SGCZ: variants seen among roughly 807,000 people sequenced by gnomAD.
SGCZ encodes zeta-sarcoglycan.
A neutral mutation model predicts 41.3 loss-of-function variants in SGCZ; 40 were observed. The ratio of observed to expected loss-of-function variants is 0.97; its 90% CI spans 0.75 to 1.26. The LOEUF (loss-of-function observed/expected upper bound fraction) is 1.26. Among genes scored for constraint, SGCZ ranks in the 50% most tolerant of loss-of-function variants. The pLI, the probability that SGCZ is intolerant of heterozygous loss-of-function variation, is 0.00. For synonymous variants in SGCZ, 206 were observed against 137.5 expected, an observed-to-expected ratio of 1.50 and a Z score of -3.49; for missense variants, 552 against 369.8, an observed-to-expected ratio of 1.49 and a Z score of -4.04.
chr8:14,200,017 C>T (rs28865908), intron 4 of SGCZ, among the ~76,000 whole-genome samples: 1,617 of 152,200 alleles, frequency 0.011, 25 homozygotes, highest in African/African-American at 0.036. Context: ...GGGTTGACGA[C>T]GTAAACAGAA....
chr8:14,178,686 GC>G (rs1375941268), intron 4 of SGCZ, among the ~76,000 whole-genome samples: 1 of 152,194 alleles, frequency 6.6e-6, no homozygotes, highest in East Asian at 1.9e-4. Context: ...ATATTCACAG[GC>G]TACACAAATG....
At position 14,541,975 on chromosome 8, in the gene SGCZ, G is replaced by T. The variant is rs547726170; in HGVS notation, c.234+12757C>A. Among the ~76,000 whole-genome samples the T allele has an allele frequency of 3.9e-5, 6 of 152,074 alleles. No homozygotes were observed. In the South Asian group the frequency reaches 8.3e-4, roughly 21 times the overall value. The stretch of plus-strand genomic sequence containing the variant: ...TATCCTTTGCTCACTTTTTGATGAG[G>T]CTTTTTGTTTTTTTCTTGTAAATTT... On this transcript the variant is annotated intron_variant, in intron 2 of 7. Transcript: ENST00000382080.
At chr8:15,076,162 G>A (rs894719162) in intron 1 of SGCZ, among the ~76,000 whole-genome samples, 3 of 152,092 alleles carry the variant, frequency 2.0e-5, no homozygotes, top group African/African-American at 7.2e-5. Flanking sequence ...GATATTGTGA[G>A]CCATTTTTTA....
intron 2 of SGCZ, among the ~76,000 whole-genome samples, chr8:14,521,510 T>A (rs1802788274): frequency 2.6e-5 from 4 of 152,144 alleles, no homozygotes; most frequent in Admixed American, 2.6e-4. Flanking sequence ...TGCTGATTCA[T>A]ATTCCACAGT....
chr8:14,839,347 C>T (rs1439054344), intron 1 of SGCZ, among the ~76,000 whole-genome samples: 5 of 151,942 alleles, frequency 3.3e-5, no homozygotes, highest in Admixed American at 3.3e-4. Context: ...TGCAGAGGAC[C>T]CATTGTGTGG....
Position 15,034,151 on chromosome 8 carries a change from G to T in SGCZ, c.39+203434C>A, listed in dbSNP as rs578034609. ...GTTCTACCCCAAACAGTCTGACAAA[G>T]AATTCAGAATAATTGTTTTAAGGAA... On this transcript the variant is annotated intron_variant, in intron 1 of 7. Transcript: ENST00000382080. Among the ~76,000 whole-genome samples the T allele has an allele frequency of 2.0e-5, 3 of 152,158 alleles. No homozygotes were observed. The South Asian group carries it at 6.2e-4, about 32-fold the overall frequency.
intron 1 of SGCZ, among the ~76,000 whole-genome samples, chr8:14,610,274 T>C (rs2117337492): frequency 6.6e-6 from 1 of 152,272 alleles, no homozygotes; most frequent in Non-Finnish European, 1.5e-5. Flanking sequence ...AGTCTCCCCC[T>C]TTTCTCCCTG....
intron 2 of SGCZ, among the ~76,000 whole-genome samples, chr8:14,433,429 C>G (rs540827010): frequency 4.3e-4 from 66 of 152,196 alleles, no homozygotes; most frequent in Middle Eastern, 6.8e-3. Context: ...AGAACTAAAA[C>G]TAGGTTATAT....
In SGCZ at chr8:15,196,176, C is replaced by A. The variant is rs928205593; in HGVS notation, c.39+41409G>T. Among the ~76,000 whole-genome samples, 2 of 134,042 alleles carry A rather than the reference C, an allele frequency of 1.5e-5. 1 individual carries two copies. The highest frequency in any genetic ancestry group is 5.7e-5 in the African/African-American group (2 of 35,362). 87.9% of individuals were successfully genotyped at this position (134,042 alleles called of 152,430 possible). Reference sequence around the variant, plus strand: ...CCTCCCAAAGTGCTGGGATTACAGGCGTGAGCCACCGCGCCCGGCCAGGCT... The same window carrying A: ...CCTCCCAAAGTGCTGGGATTACAGGAGTGAGCCACCGCGCCCGGCCAGGCT... On this transcript the variant is annotated intron_variant, in intron 1 of 7. Coordinates refer to ENST00000382080, the MANE Select transcript of SGCZ (RefSeq NM_139167.4).
intron 1 of SGCZ, among the ~76,000 whole-genome samples, chr8:14,923,142 G>A (rs1455531351): frequency 6.6e-6 from 1 of 152,196 alleles, no homozygotes; most frequent in Non-Finnish European, 1.5e-5. Context: ...ATGAGCTCAA[G>A]TAAAATTGTC....
At chr8:14,700,152 A>C (rs1809089844) in intron 1 of SGCZ, among the ~76,000 whole-genome samples, 1 of 151,986 alleles carries the variant, frequency 6.6e-6, no homozygotes, top group African/African-American at 2.4e-5. Context: ...AGATACATGC[A>C]CTAGAACGCT....
At chr8:14,783,998 T>C (rs538409367) in intron 1 of SGCZ, among the ~76,000 whole-genome samples, 2 of 152,114 alleles carry the variant, frequency 1.3e-5, no homozygotes, top group African/African-American at 2.4e-5. Flanking sequence ...CTTAAAATAA[T>C]TGTACCCTTT....
chr8:14,202,934 G>A (rs998482642), intron 4 of SGCZ, among the ~76,000 whole-genome samples: 1 of 152,154 alleles, frequency 6.6e-6, no homozygotes, highest in Non-Finnish European at 1.5e-5. Context: ...GGAGGTGATG[G>A]AATTATGGGG....
At chr8:14,463,822 T>C (rs1023574044) in intron 2 of SGCZ, among the ~76,000 whole-genome samples, 4 of 151,622 alleles carry the variant, frequency 2.6e-5, no homozygotes, top group African/African-American at 9.7e-5. Context: ...TTTTTTATTA[T>C]GACAGTGTGT....
chr8:14,134,535 T>A (rs970205628), intron 5 of SGCZ, among the ~76,000 whole-genome samples: 3 of 152,194 alleles, frequency 2.0e-5, no homozygotes, highest in African/African-American at 7.2e-5. Flanking sequence ...TAGAAAGTAA[T>A]AGAATTCTTA....
chr8:15,059,656 A>C (rs1804842913), intron 1 of SGCZ, among the ~76,000 whole-genome samples: 1 of 152,236 alleles, frequency 6.6e-6, no homozygotes, highest in South Asian at 2.1e-4. Flanking sequence ...TAAATTAATG[A>C]TACTTAACTT....
At chr8:14,668,001 G>C (rs909867286) in intron 1 of SGCZ, among the ~76,000 whole-genome samples, 4 of 152,118 alleles carry the variant, frequency 2.6e-5, no homozygotes, top group African/African-American at 9.7e-5. Context: ...CTGTCGCCCA[G>C]GCTGTAGTGC....
intron 1 of SGCZ, among the ~76,000 whole-genome samples, chr8:14,903,201 A>G (rs1799023733): frequency 6.6e-6 from 1 of 152,122 alleles, no homozygotes; most frequent in Admixed American, 6.6e-5. Context: ...AAGACACAGA[A>G]CTGAAATTTC....
At chr8:14,411,064 C>T (rs186277620) in intron 2 of SGCZ, among the ~76,000 whole-genome samples, 1 of 151,970 alleles carries the variant, frequency 6.6e-6, no homozygotes. Flanking sequence ...AGCTAAAGAA[C>T]ATTTAGATAG....
Sources: allele counts gnomAD v4.1 joint callset (sites outside exome capture counted in the v4.1 genomes callset), GRCh38; gene constraint gnomAD v4.1.1; transcripts MANE v1.5; gene names NCBI Gene and HGNC (gene_info 2026-07-23, HGNC 2026-07-21).